Variants in PAK1 observed in about 807,000 individuals in gnomAD.
PAK1 encodes the protein serine/threonine-protein kinase PAK 1.
In PAK1, 29 loss-of-function variants were observed where a neutral mutation model predicts 67.4. The observed-to-expected ratio is 0.43, with a 90% CI of 0.32 to 0.59. The LOEUF is 0.59. Ranked by LOEUF, PAK1 falls within the 20% of genes least tolerant of loss-of-function variation. The probability of loss-of-function intolerance (pLI) is 0.07; values close to 1 mark genes in which losing one functional copy is unlikely to be tolerated. For synonymous variants in PAK1, 223 were observed against 237.4 expected, an observed-to-expected ratio of 0.94 and a Z score of 0.56; for missense variants, 337 against 670.7, an observed-to-expected ratio of 0.50 and a Z score of 5.50.
At chr11:77,385,602 T>A (rs1950343824) in intron 2 of PAK1, among the ~76,000 whole-genome samples, 1 of 152,208 alleles carries the variant, frequency 6.6e-6, no homozygotes, top group South Asian at 2.1e-4. Flanking sequence ...ATGCCTGTAA[T>A]CCCAGCACTT....
the PAK1 span, among the ~76,000 whole-genome samples, chr11:77,484,910 C>T: frequency 2.0e-5 from 3 of 152,280 alleles, no homozygotes; most frequent in Non-Finnish European, 4.4e-5. Flanking sequence ...ACAATCACGG[C>T]AGAAGGCAAG....
At chr11:77,355,895 A>AGGTTC in intron 6 of PAK1, 53 bp from the exon 7 acceptor site, 3 of 1,153,470 alleles carry the variant, frequency 2.6e-6, no homozygotes, top group Non-Finnish European at 3.9e-6. Flanking sequence ...AGCATAGGGG[A>AGGTTC]ACCTCTCCTA....
intron 1 of PAK1, among the ~76,000 whole-genome samples, chr11:77,467,018 C>T (rs1177506246): frequency 6.6e-6 from 1 of 152,164 alleles, no homozygotes; most frequent in Non-Finnish European, 1.5e-5. Flanking sequence ...GCCCTGCCTC[C>T]TCTCTGCTCT....
chr11:77,527,351 C>T, the PAK1 span, among the ~76,000 whole-genome samples: 2 of 152,184 alleles, frequency 1.3e-5, no homozygotes, highest in Non-Finnish European at 2.9e-5. Context: ...AATCTGCCCA[C>T]CTCAGCCTCT....
chr11:77,500,822 A>T, the PAK1 span, among the ~76,000 whole-genome samples: 1 of 151,288 alleles, frequency 6.6e-6, no homozygotes, highest in African/African-American at 2.4e-5. Flanking sequence ...CCAGTCTAGG[A>T]GACAGAGTGA....
intron 1 of PAK1, among the ~76,000 whole-genome samples, chr11:77,467,099 A>C (rs1957634301): frequency 6.6e-6 from 1 of 152,118 alleles, no homozygotes; most frequent in Non-Finnish European, 1.5e-5. Flanking sequence ...ACAGGCTCTC[A>C]AATCTTCTGC....
At chr11:77,453,213 G>T (rs1956933047) in intron 1 of PAK1, among the ~76,000 whole-genome samples, 1 of 152,170 alleles carries the variant, frequency 6.6e-6, no homozygotes, top group Non-Finnish European at 1.5e-5. Context: ...AAATTAGCCA[G>T]GTGTATGGCG....
rs547906928 is a variant in PAK1 at position 77,376,694 on chromosome 11, G to A, written c.440-2329C>T. On this transcript the variant is annotated intron_variant, in intron 4 of 14. Coordinates refer to ENST00000356341, the MANE Select transcript of PAK1 (RefSeq NM_002576.5). ...AGATGTTGCAGTGAGCCGAGATCGC[G>A]CTGCTGCACTCCAGCCTGGGTGACA... 1.8e-3 allele frequency among the ~76,000 whole-genome samples: 263 copies of A among 145,412 alleles called. 1 individual carries two copies. The highest frequency in any genetic ancestry group is 2.9e-3 in the Non-Finnish European group (192 of 66,718).
At chr11:77,377,396 T>G (rs1362629209) in intron 4 of PAK1, among the ~76,000 whole-genome samples, 3 of 152,204 alleles carry the variant, frequency 2.0e-5, no homozygotes, top group Admixed American at 2.0e-4. Flanking sequence ...TGCCTAGAGT[T>G]GGCCCTAGTC....
chr11:77,479,318 A>G (rs529235339), upstream of PAK1, among the ~76,000 whole-genome samples: 61 of 152,286 alleles, frequency 4.0e-4, no homozygotes, highest in Admixed American at 6.5e-4. Context: ...ACCCTGAGCA[A>G]AAGACCCATC....
At chr11:77,440,146 T>C (rs1026136222) in intron 1 of PAK1, among the ~76,000 whole-genome samples, 1 of 152,182 alleles carries the variant, frequency 6.6e-6, no homozygotes, top group Non-Finnish European at 1.5e-5. Flanking sequence ...GAAAAGATCA[T>C]TTGAAAAATT....
chr11:77,509,528 C>G, the PAK1 span, among the ~76,000 whole-genome samples: 1 of 152,124 alleles, frequency 6.6e-6, no homozygotes, highest in African/African-American at 2.4e-5. Context: ...TTGCCTCCTA[C>G]TGTTCATGGC....
chr11:77,323,265 A>T lies in PAK1; in HGVS notation c.*9T>A. The T allele has an allele frequency of 1.9e-6, 3 of 1,613,726 alleles. No homozygotes were observed. The highest frequency in any genetic ancestry group is 2.5e-6 in the Non-Finnish European group (3 of 1,179,692). ...GGCTTGGCACAATGAGGCTGGGGTGAGTGTGGTTTTAGTGATTGTTCTTTG... is the reference window on the plus strand; with the variant it reads ...GGCTTGGCACAATGAGGCTGGGGTGTGTGTGGTTTTAGTGATTGTTCTTTG... On this transcript the variant is annotated 3_prime_UTR_variant, in exon 15 of 15. Transcript: ENST00000356341.
intron 1 of PAK1, among the ~76,000 whole-genome samples, chr11:77,462,391 T>C: frequency 6.6e-6 from 1 of 151,978 alleles, no homozygotes; most frequent in Non-Finnish European, 1.5e-5. Context: ...CAACTTTTAC[T>C]CAGGTCAGAG....
intron 4 of PAK1, among the ~76,000 whole-genome samples, chr11:77,375,562 G>T (rs1565633037): frequency 6.6e-6 from 1 of 152,170 alleles, no homozygotes; most frequent in Non-Finnish European, 1.5e-5. Context: ...TGAAACAGAG[G>T]TGTGTCCTAC....
At chr11:77,499,325 A>AT in the PAK1 span, among the ~76,000 whole-genome samples, 1 of 152,120 alleles carries the variant, frequency 6.6e-6, no homozygotes, top group African/African-American at 2.4e-5. Context: ...GGCCTCCTGA[A>AT]TACCTGGGAC....
chr11:77,401,926 C>T (rs1300479844), intron 1 of PAK1, among the ~76,000 whole-genome samples: 1 of 152,166 alleles, frequency 6.6e-6, no homozygotes, highest in Non-Finnish European at 1.5e-5. Flanking sequence ...ATCTCTATAT[C>T]CCTAGGCTGA....
intron 8 of PAK1, among the ~76,000 whole-genome samples, chr11:77,351,281 A>C (rs1248120907): frequency 6.6e-6 from 1 of 151,744 alleles, no homozygotes; most frequent in African/African-American, 2.4e-5. Context: ...GATGTTGCCT[A>C]TTTATAGGTC....
chr11:77,511,454 T>G, the PAK1 span, among the ~76,000 whole-genome samples: 1 of 152,164 alleles, frequency 6.6e-6, no homozygotes, highest in Non-Finnish European at 1.5e-5. Context: ...CAGCACTAAA[T>G]CTCAGAGATA....
Sources: allele counts gnomAD v4.1 joint callset (sites outside exome capture counted in the v4.1 genomes callset), GRCh38; gene constraint gnomAD v4.1.1; transcripts MANE v1.5; gene names NCBI Gene and HGNC (gene_info 2026-07-23, HGNC 2026-07-21).